XKR9: variants seen among roughly 807,000 people sequenced by gnomAD.
The protein encoded by XKR9 is XK-related protein 9.
Under a neutral mutation model 32.0 loss-of-function variants are expected in XKR9, and 32 were observed. The ratio of observed to expected loss-of-function variants is 1.00; its 90% CI spans 0.76 to 1.34. The LOEUF (loss-of-function observed/expected upper bound fraction) is 1.34. Ranked by LOEUF, XKR9 falls within the 40% of genes most tolerant of loss-of-function variation. XKR9 has a pLI of 0.00. For synonymous variants in XKR9, 168 were observed against 143.4 expected (o/e 1.17, Z -1.22); for missense variants, 546 against 429.7 (o/e 1.27, Z -2.39).
the XKR9 span, among the ~76,000 whole-genome samples, chr8:70,844,169 C>G: frequency 6.6e-6 from 1 of 152,204 alleles, no homozygotes; most frequent in Admixed American, 6.5e-5. Flanking sequence ...AACCTCAACC[C>G]CCAGCCCCAG....
At chr8:70,904,134 C>T in the XKR9 span, among the ~76,000 whole-genome samples, 9 of 152,118 alleles carry the variant, frequency 5.9e-5, no homozygotes, top group Admixed American at 5.2e-4. Context: ...GTCTGTTAGG[C>T]CCACTTGGTG....
intron 3 of XKR9, among the ~76,000 whole-genome samples, chr8:70,701,724 T>C (rs1805543402): frequency 6.6e-6 from 1 of 152,192 alleles, no homozygotes; most frequent in Admixed American, 6.5e-5. Context: ...GAATTCATGT[T>C]GGTAGATGAA....
intron 3 of XKR9, among the ~76,000 whole-genome samples, chr8:70,704,367 C>A (rs1350230760): frequency 6.6e-6 from 1 of 152,070 alleles, no homozygotes; most frequent in African/African-American, 2.4e-5. Flanking sequence ...CCTAAAGACA[C>A]TGGACATTAA....
intron 2 of XKR9, among the ~76,000 whole-genome samples, chr8:70,755,394 C>G (rs1240368588): frequency 6.6e-6 from 1 of 152,158 alleles, no homozygotes; most frequent in Non-Finnish European, 1.5e-5. Context: ...TTTGACCCAG[C>G]CACCTCATTA....
At chr8:70,889,404 C>T in the XKR9 span, among the ~76,000 whole-genome samples, 46 of 151,238 alleles carry the variant, frequency 3.0e-4, 1 homozygote, top group African/African-American at 9.7e-4. Flanking sequence ...AAACTTTTAT[C>T]GTTTCACCTT....
At chr8:70,755,762 G>T (rs977824065) in intron 2 of XKR9, among the ~76,000 whole-genome samples, 1 of 144,396 alleles carries the variant, frequency 6.9e-6, no homozygotes, top group Non-Finnish European at 1.5e-5. Context: ...ACTGTTGTGG[G>T]GTGGGGGGAG....
At chr8:70,971,685 C>T in the XKR9 span, among the ~76,000 whole-genome samples, 1 of 152,088 alleles carries the variant, frequency 6.6e-6, no homozygotes, top group Non-Finnish European at 1.5e-5. Flanking sequence ...ATGTGGCTTG[C>T]CAATTATCTC....
chr8:70,874,957 A>G, the XKR9 span, among the ~76,000 whole-genome samples: 28 of 152,314 alleles, frequency 1.8e-4, no homozygotes, highest in Non-Finnish European at 2.8e-4. Flanking sequence ...GCCTTCGGTC[A>G]CATGCTCGTC....
chr8:70,727,690 G>A (rs1204911733), intron 4 of XKR9, among the ~76,000 whole-genome samples: 7 of 151,982 alleles, frequency 4.6e-5, no homozygotes, highest in Admixed American at 2.0e-4. Context: ...GAACCACCGC[G>A]CCTGGCCTGT....
the XKR9 span, among the ~76,000 whole-genome samples, chr8:70,849,645 A>G: frequency 2.0e-5 from 3 of 152,180 alleles, no homozygotes; most frequent in African/African-American, 4.8e-5. Flanking sequence ...TAGAGACACA[A>G]AAAACCTTTC....
At position 70,734,461 on chromosome 8, in the gene XKR9, T is replaced by C; in HGVS notation, c.*37T>C. On this transcript the variant is annotated 3_prime_UTR_variant, in exon 5 of 5. Transcript: ENST00000408926. ...ATGATATATATTTTCTTATATTTTGTTTCATTGGTTAGTAAAGAAAATGTG... is the reference window on the plus strand; with the variant it reads ...ATGATATATATTTTCTTATATTTTGCTTCATTGGTTAGTAAAGAAAATGTG... 1 of 1,457,252 alleles carries C rather than the reference T, an allele frequency of 6.9e-7. No individual in the cohort carries two copies. The highest frequency in any genetic ancestry group is 9.0e-7 in the Non-Finnish European group (1 of 1,115,502). 90.3% of individuals were successfully genotyped at this position (1,457,252 alleles called of 1,614,324 possible).
chr8:70,873,980 C>A, the XKR9 span, among the ~76,000 whole-genome samples: 1 of 152,196 alleles, frequency 6.6e-6, no homozygotes, highest in Non-Finnish European at 1.5e-5. Context: ...CAGCAGCCAC[C>A]AACCCTGAGG....
downstream of XKR9, among the ~76,000 whole-genome samples, chr8:70,740,373 A>T (rs536756827): frequency 1.1e-4 from 16 of 151,780 alleles, no homozygotes; most frequent in South Asian, 2.7e-3. Context: ...ATTTGTCTAA[A>T]TTTTTTTCAA....
intron 4 of XKR9, among the ~76,000 whole-genome samples, chr8:70,731,032 C>G (rs1806646214): frequency 6.6e-6 from 1 of 152,166 alleles, no homozygotes. Context: ...GGTCCCACAG[C>G]AAAGTTTGTA....
At chr8:70,864,171 C>T in the XKR9 span, among the ~76,000 whole-genome samples, 1 of 152,134 alleles carries the variant, frequency 6.6e-6, no homozygotes, top group Non-Finnish European at 1.5e-5. Flanking sequence ...GCTTTCCCCC[C>T]CTAAAATCTT....
the XKR9 span, among the ~76,000 whole-genome samples, chr8:71,027,483 A>T: frequency 7.7e-6 from 1 of 129,036 alleles, no homozygotes; most frequent in African/African-American, 2.7e-5. Context: ...TTTTAATAGA[A>T]ATATATATGT....
chr8:70,964,763 T>A, the XKR9 span, among the ~76,000 whole-genome samples: 1 of 152,078 alleles, frequency 6.6e-6, no homozygotes, highest in Non-Finnish European at 1.5e-5. Context: ...CTGTTTTTGG[T>A]GTAGAGGGAT....
chr8:70,889,407 T>A, the XKR9 span, among the ~76,000 whole-genome samples: 29 of 151,808 alleles, frequency 1.9e-4, no homozygotes, highest in African/African-American at 6.0e-4. Flanking sequence ...CTTTTATCGT[T>A]TCACCTTTTA....
At chr8:71,027,787 G>T in the XKR9 span, among the ~76,000 whole-genome samples, 4 of 149,884 alleles carry the variant, frequency 2.7e-5, no homozygotes, top group Admixed American at 6.7e-5. Context: ...GGCGGGGGGG[G>T]GGGGTCTCAC....
Sources: allele counts gnomAD v4.1 joint callset (sites outside exome capture counted in the v4.1 genomes callset), GRCh38; gene constraint gnomAD v4.1.1; transcripts MANE v1.5; gene names NCBI Gene and HGNC (gene_info 2026-07-23, HGNC 2026-07-21).